The following IRGM variants were observed in gnomAD, a reference collection of about 807,000 sequenced individuals.
The protein encoded by IRGM is immunity related GTPase M, also known as immunity-related GTPase family M protein.
For missense variants in IRGM, 288 were observed against 219.9 expected, an observed-to-expected ratio of 1.31 and a Z score of -1.96; for synonymous variants, 98 against 80.6, an observed-to-expected ratio of 1.22 and a Z score of -1.16.
At chr5:150,896,447 A>T (rs1267873720) in intron 3 of IRGM, 2 of 1,613,482 alleles carry the variant, frequency 1.2e-6, no homozygotes, top group African/African-American at 2.7e-5. Context: ...TTTTCTCTTT[A>T]GTTTCCACAT....
intron 1 of IRGM, among the ~76,000 whole-genome samples, chr5:150,860,025 G>A (rs4958847): frequency 0.25 from 37,862 of 151,964 alleles, 6,791 homozygotes; most frequent in East Asian, 0.61. Context: ...TGCCCAATAT[G>A]GCTAAATAAT....
intron 1 of IRGM, 52 bp from the exon 2 acceptor site, chr5:150,847,657 G>T (rs1753890792): frequency 6.3e-6 from 1 of 159,222 alleles, no homozygotes; most frequent in African/African-American, 2.4e-5. Flanking sequence ...AAAGTCAGAT[G>T]ATTCATGTGT....
At chr5:150,900,508 G>C (rs1034230349) in intron 3 of IRGM, 2 of 152,066 alleles carry the variant, frequency 1.3e-5, no homozygotes, top group African/African-American at 2.4e-5. Flanking sequence ...GAACTTTTAT[G>C]TGTTAATGTT....
intron 1 of IRGM, among the ~76,000 whole-genome samples, chr5:150,861,394 G>C (rs2113264867): frequency 6.6e-6 from 1 of 152,264 alleles, no homozygotes; most frequent in African/African-American, 2.4e-5. Context: ...TAAGGCTTAG[G>C]ACAGGAAGTA....
At chr5:150,854,547 C>A (rs986283111) in intron 1 of IRGM, among the ~76,000 whole-genome samples, 5 of 152,004 alleles carry the variant, frequency 3.3e-5, no homozygotes, top group Non-Finnish European at 7.4e-5. Context: ...TTTATTTTTG[C>A]CTAATTTTAA....
At chr5:150,866,162 A>G (rs10875560) in intron 1 of IRGM, among the ~76,000 whole-genome samples, 26,096 of 152,168 alleles carry the variant, frequency 0.17, 3,200 homozygotes, top group East Asian at 0.43. Flanking sequence ...TTTGTGAGCC[A>G]TTGATTCCAA....
At chr5:150,850,839 C>T (rs1753965070), downstream of IRGM, among the ~76,000 whole-genome samples, 1 of 152,190 alleles carries the variant, frequency 6.6e-6, no homozygotes, top group African/African-American at 2.4e-5. Flanking sequence ...CTGGCTGTGC[C>T]TGATGTCAGC....
rs760627803 is a variant in IRGM, at chr5:150,895,952, T to C, written c.*141-4637T>C. ...TGTAGGGTTTCTCACCAGTGTGAATTCTTTTATGTATAATGAGGTGGGACT... is the reference window on the plus strand; with the variant it reads ...TGTAGGGTTTCTCACCAGTGTGAATCCTTTTATGTATAATGAGGTGGGACT... On this transcript the variant is annotated intron_variant and NMD_transcript_variant, in intron 3 of 3. Transcript: ENST00000520549. 4.3e-6 allele frequency: 7 copies of C among 1,613,468 alleles called. No homozygotes were observed. In the African/African-American group the frequency reaches 9.3e-5, roughly 22 times the overall value.
chr5:150,876,315 C>T (rs1426616933), intron 1 of IRGM, among the ~76,000 whole-genome samples: 1 of 152,200 alleles, frequency 6.6e-6, no homozygotes, highest in Non-Finnish European at 1.5e-5. Context: ...GCACCACTCT[C>T]CATCACCTCT....
chr5:150,850,204 T>C (rs1337990345), downstream of IRGM, among the ~76,000 whole-genome samples: 1 of 152,218 alleles, frequency 6.6e-6, no homozygotes, highest in Admixed American at 6.5e-5. Flanking sequence ...GTCTGCTTTA[T>C]TGAGATGCTA....
At chr5:150,853,705 C>T (rs911304136) in intron 1 of IRGM, among the ~76,000 whole-genome samples, 1 of 152,022 alleles carries the variant, frequency 6.6e-6, no homozygotes, top group Admixed American at 6.6e-5. Flanking sequence ...TCTATTTTGT[C>T]TGATATTAGT....
At chr5:150,865,477 T>A (rs1754194484) in intron 1 of IRGM, among the ~76,000 whole-genome samples, 1 of 152,206 alleles carries the variant, frequency 6.6e-6, no homozygotes, top group African/African-American at 2.4e-5. Context: ...GATATAGATT[T>A]TAAATATTAG....
intron 3 of IRGM, chr5:150,897,131 G>C: frequency 1.9e-6 from 1 of 528,180 alleles, no homozygotes; most frequent in Non-Finnish European, 3.3e-6. Flanking sequence ...AGTGTTATCA[G>C]GTGAATAGAC....
chr5:150,855,777 T>C lies in IRGM; in HGVS notation c.158+7123T>C, dbSNP rs79822860. Among the ~76,000 whole-genome samples the C allele has an allele frequency of 2.5e-4, 38 of 152,316 alleles. No homozygotes were observed. The East Asian group carries it at 7.3e-3, about 29-fold the overall frequency. ...GAAACAGTGAAATATAAACCACTAG[T>C]ATGTTCACTGCAGCAAAAGAAAAAT... On this transcript the variant is annotated intron_variant and NMD_transcript_variant, in intron 1 of 3. Coordinates refer to the IRGM transcript ENST00000520549.
Position 150,856,870 on chromosome 5 carries a change from TATTA to T in IRGM, c.158+8223_158+8226del, listed in dbSNP as rs1440800118. Reference sequence around the variant, plus strand: ...TTTTATTTTATTGTTATTTATTAATTATTAATTAATATTATTAATTAAATATTAT... The same window carrying T: ...TTTTATTTTATTGTTATTTATTAATTATTAATATTATTAATTAAATATTAT... On this transcript the variant is annotated intron_variant and NMD_transcript_variant, in intron 1 of 3. Transcript: ENST00000520549. Among the ~76,000 whole-genome samples the T allele has an allele frequency of 1.6e-4, 24 of 147,266 alleles. No homozygotes were observed. The Middle Eastern group carries it at 0.014, about 88-fold the overall frequency.
chr5:150,883,314 CA>C (rs143143972), intron 3 of IRGM, among the ~76,000 whole-genome samples: 15 of 150,962 alleles, frequency 9.9e-5, no homozygotes, highest in Admixed American at 9.9e-4. Flanking sequence ...ATAAAGATCT[CA>C]AAAAAACAAC....
chr5:150,866,929 T>C (rs1349152834), intron 1 of IRGM, among the ~76,000 whole-genome samples: 3 of 150,126 alleles, frequency 2.0e-5, no homozygotes, highest in Admixed American at 2.0e-4. Context: ...TTATTTGTTT[T>C]ATTGACATAA....
downstream of IRGM, among the ~76,000 whole-genome samples, chr5:150,851,080 G>A (rs1252493236): frequency 6.6e-6 from 1 of 152,170 alleles, no homozygotes; most frequent in East Asian, 1.9e-4. Flanking sequence ...TGGAAAAGAA[G>A]GATAGATCAA....
intron 3 of IRGM, chr5:150,897,184 T>A (rs1476258116): frequency 2.3e-6 from 1 of 425,532 alleles, no homozygotes; most frequent in Non-Finnish European, 4.1e-6. Flanking sequence ...AAAACTAAAC[T>A]TAAAAGAGAT....
Sources: allele counts gnomAD v4.1 joint callset (sites outside exome capture counted in the v4.1 genomes callset), GRCh38; gene constraint gnomAD v4.1.1; transcripts MANE v1.5; gene names NCBI Gene and HGNC (gene_info 2026-07-23, HGNC 2026-07-21).